Variants in PPP1R12C observed in about 807,000 individuals in gnomAD.
PPP1R12C encodes the protein protein phosphatase 1 regulatory subunit 12C.
A neutral mutation model predicts 95.6 loss-of-function variants in PPP1R12C; 48 were observed. The observed-to-expected ratio is 0.50, with a 90% CI of 0.40 to 0.64. The LOEUF is 0.64. PPP1R12C is among the 30% of genes least tolerant of loss of function. PPP1R12C has a pLI of 0.00. For missense variants in PPP1R12C, 1,057 were observed against 1,083.3 expected, an observed-to-expected ratio of 0.98 and a Z score of 0.34; for synonymous variants, 480 against 460.8, an observed-to-expected ratio of 1.04 and a Z score of -0.53.
Position 55,117,241 on chromosome 19 carries a change from A to G in PPP1R12C, c.303T>C (p.Gly101=), listed in dbSNP as rs66707428. The G allele has an allele frequency of 0.13, 162,322 of 1,224,416 alleles. 11,780 individuals are homozygous for G. The highest frequency in any genetic ancestry group is 0.27 in the African/African-American group (17,465 of 63,708). 75.8% of individuals were successfully genotyped at this position (1,224,416 alleles called of 1,614,324 possible). The change falls in exon 1 of 22, where the codon GGT becomes GGC. Residue 101 remains glycine, a synonymous_variant. Coordinates refer to ENST00000263433, the MANE Select transcript of PPP1R12C (RefSeq NM_017607.4). ...CGCTGACCTGGTGCAGGGCGCTGATACCGTCGGCGTTGGTGGAGTCCAGCA... is the reference window on the plus strand; with the variant it reads ...CGCTGACCTGGTGCAGGGCGCTGATGCCGTCGGCGTTGGTGGAGTCCAGCA... The part of the protein sequence containing the change: ...RAVLDSTNAD[G]ISALHQACID...
In PPP1R12C at chr19:55,099,064, G is replaced by C; in HGVS notation, c.763C>G (p.Leu255Val). ...LLLQAGYDPELRDGDGWTPLH... is the reference protein window; with the variant it reads ...LLLQAGYDPEVRDGDGWTPLH... ...GGAGTCCAGCCGTCCCCGTCCCGGA[G>C]CTCTGGGTCGTAGCCAGCCTGAAGG... Residue 255 changes from leucine (L) to valine (V), a missense_variant, in exon 5 of 22, where the codon CTC becomes GTC. By Grantham distance (32) the Leu-to-Val change is conservative. Around this residue, in one of 5 missense-constraint regions of PPP1R12C, gnomAD observed 282 missense variants for 380.4 expected, o/e 0.74. Transcript: ENST00000263433. 4 of 1,551,936 alleles carry C rather than the reference G, an allele frequency of 2.6e-6. No homozygotes were observed. The South Asian group carries it at 4.8e-5, about 18-fold the overall frequency.
intron 1 of PPP1R12C, chr19:55,113,741 C>T (rs1456307213): frequency 1.6e-5 from 8 of 513,994 alleles, no homozygotes; most frequent in East Asian, 1.2e-4. Context: ...CATGGAAACT[C>T]GGGCTGTGAA....
Position 55,098,938 on chromosome 19 carries a change from C to T in PPP1R12C, c.876+13G>A. 1.3e-6 allele frequency: 2 copies of T among 1,590,180 alleles called. No homozygotes were observed. Among genetic ancestry groups the T allele is most frequent in the Non-Finnish European group, 1.7e-6 (2 of 1,168,204 alleles). ...ACGCCCTGCCCCTCACCAGCCTGGG[C>T]ACTGGCCCTCACCGCATGGGTCAGT... On this transcript the variant is annotated intron_variant, in intron 5 of 21. Coordinates refer to ENST00000263433, the MANE Select transcript of PPP1R12C (RefSeq NM_017607.4).
intron 13 of PPP1R12C, 25 bp from the exon 14 acceptor site, chr19:55,093,258 G>A (rs1267195687): frequency 2.5e-6 from 4 of 1,604,512 alleles, no homozygotes; most frequent in Non-Finnish European, 3.4e-6. Context: ...GGACAGTCAG[G>A]GGACGCTGGG....
intron 1 of PPP1R12C, chr19:55,113,551 G>A (rs1465952023): frequency 2.9e-6 from 4 of 1,356,754 alleles, no homozygotes; most frequent in Non-Finnish European, 3.8e-6. Flanking sequence ...GGTCGGAGGA[G>A]GGACTTGCCC....
At chr19:55,092,696 G>T in intron 16 of PPP1R12C, 34 bp from the exon 17 acceptor site, 1 of 1,531,152 alleles carries the variant, frequency 6.5e-7, no homozygotes, top group South Asian at 1.3e-5. Flanking sequence ...CAATGGGTAT[G>T]GGAGGGACTT....
At chr19:55,095,777 T>C in intron 9 of PPP1R12C, 90 bp downstream of exon 9, 1 of 1,540,564 alleles carries the variant, frequency 6.5e-7, no homozygotes, top group East Asian at 2.2e-5. Context: ...GTCTTCCCCC[T>C]ATCTGCCCCT....
intron 19 of PPP1R12C, 54 bp downstream of exon 19, chr19:55,092,168 G>GC (rs2084850142): frequency 6.8e-7 from 1 of 1,470,196 alleles, no homozygotes; most frequent in Non-Finnish European, 9.2e-7. Context: ...AGCAGTCTAA[G>GC]CCCCACCCAG....
intron 3 of PPP1R12C, among the ~76,000 whole-genome samples, chr19:55,106,014 C>G (rs759100507): frequency 3.9e-5 from 6 of 152,014 alleles, no homozygotes; most frequent in African/African-American, 1.4e-4. Context: ...CTTTCTGTCC[C>G]TGTGGATTTG....
chr19:55,099,852 C>T (rs574092182), intron 4 of PPP1R12C, among the ~76,000 whole-genome samples: 56 of 152,350 alleles, frequency 3.7e-4, no homozygotes, highest in Admixed American at 1.5e-3. Context: ...CTCAGCTTAA[C>T]GGTAGGACGT....
chr19:55,109,628 G>A lies in PPP1R12C; in HGVS notation c.571+2839C>T, dbSNP rs554390524. Among the ~76,000 whole-genome samples the A allele has an allele frequency of 2.0e-4, 31 of 152,376 alleles. No individual in the cohort carries two copies. Among genetic ancestry groups the A allele is most frequent in the Middle Eastern group, 3.4e-3 (1 of 294 alleles). On this transcript the variant is annotated intron_variant, in intron 3 of 21. Transcript: ENST00000263433. The surrounding 1 kb of genome is among the most constrained non-coding windows in gnomAD (Gnocchi z 4.4). ...GCCAGGGAAAGCGAAGGGGATGGTC[G>A]TGCCTGAGGCCGGTCTGTCTTCTCT... is the stretch of plus-strand genomic sequence containing the variant.
chr19:55,113,758 G>A (rs746123412), intron 1 of PPP1R12C: 48 of 384,676 alleles, frequency 1.2e-4, no homozygotes, highest in Middle Eastern at 7.0e-4. Context: ...TGAAGGGGCC[G>A]CACGTGCCCT....
chr19:55,115,027 T>C (rs1391544929), intron 1 of PPP1R12C: 1 of 152,196 alleles, frequency 6.6e-6, no homozygotes, highest in Non-Finnish European at 1.5e-5. Flanking sequence ...GCGCCTCTCC[T>C]GGGCTTGCCA....
chr19:55,112,913 A>T, intron 1 of PPP1R12C, 118 bp from the exon 2 acceptor site: 2 of 1,394,518 alleles, frequency 1.4e-6, no homozygotes, highest in Non-Finnish European at 2.0e-6. Context: ...GACAGTGGGG[A>T]AAATGACCCA....
Position 55,096,113 on chromosome 19 carries a change from C to T in PPP1R12C, c.1091G>A (p.Arg364Gln), listed in dbSNP as rs749053309. Residue 364 changes from arginine (R) to glutamine (Q), a missense_variant, in exon 8 of 22, where the codon CGG becomes CAG. By Grantham distance (43) the Arg-to-Gln change is conservative. Around this residue, in one of 5 missense-constraint regions of PPP1R12C, gnomAD observed 356 missense variants for 330.5 expected, o/e 1.08. Transcript: ENST00000263433. ...ISLQDLSKERRPGGAGGPPIQ... is the reference protein window; with the variant it reads ...ISLQDLSKERQPGGAGGPPIQ... ...GGGGGGCCCCCCAGCCCCACCAGGC[C>T]GGCGCTCCTTGGACAAGTCCTGGAG... 1.9e-6 allele frequency: 3 copies of T among 1,599,048 alleles called. No individual in the cohort carries two copies. The highest frequency in any genetic ancestry group is 2.2e-5 in the East Asian group (1 of 44,820).
Position 55,095,765 on chromosome 19 carries a change from T to TA in PPP1R12C, c.1227+101dup, listed in dbSNP as rs2084904019. ...TTGTCCAGGACGACTCTGGGAACTA[T>TA]AGTCTTCCCCCTATCTGCCCCTGCC... On this transcript the variant is annotated intron_variant, in intron 9 of 21. Transcript: ENST00000263433. The TA allele has an allele frequency of 2.6e-6, 4 of 1,526,494 alleles. No individual in the cohort carries two copies. The East Asian group carries it at 9.0e-5, about 34-fold the overall frequency. The allele number at this position is 1,526,494 out of a possible 1,614,324, so 94.6% of individuals were successfully genotyped here.
chr19:55,106,743 A>G (rs950293141), intron 3 of PPP1R12C, among the ~76,000 whole-genome samples: 5 of 152,066 alleles, frequency 3.3e-5, no homozygotes, highest in East Asian at 1.9e-4. Flanking sequence ...CTGTGACCTC[A>G]TCTTGACTTT....
At chr19:55,098,226 A>G (rs1293711920) in intron 6 of PPP1R12C, among the ~76,000 whole-genome samples, 1 of 152,120 alleles carries the variant, frequency 6.6e-6, no homozygotes, top group Non-Finnish European at 1.5e-5. Context: ...GACCCCTCAT[A>G]CAGTTGCGCA....
intron 3 of PPP1R12C, among the ~76,000 whole-genome samples, chr19:55,105,875 A>G (rs1158170717): frequency 6.6e-6 from 1 of 151,922 alleles, no homozygotes; most frequent in African/African-American, 2.4e-5. Flanking sequence ...CCACGAGGTC[A>G]AGGCTGCAGT....
Sources: allele counts gnomAD v4.1 joint callset (sites outside exome capture counted in the v4.1 genomes callset), GRCh38; gene constraint gnomAD v4.1.1; regional missense constraint gnomAD v4.1.1; non-coding constraint Gnocchi (gnomAD v3.1); transcripts MANE v1.5; gene names NCBI Gene and HGNC (gene_info 2026-07-23, HGNC 2026-07-21).